The following LSAMP variants were observed in gnomAD, a reference collection of about 807,000 sequenced individuals.
LSAMP encodes limbic system associated membrane protein, also known as limbic system-associated membrane protein.
LSAMP carries 7 observed loss-of-function variants against 38.6 expected under a neutral mutation model. The ratio of observed to expected loss-of-function variants is 0.18; its 90% CI spans 0.10 to 0.34. The LOEUF is 0.34. LSAMP is among the 10% of genes least tolerant of loss of function. LSAMP has a pLI of 1.00. For missense variants in LSAMP, 313 were observed against 420.0 expected (o/e 0.75, Z 2.23); for synonymous variants, 154 against 166.8 (o/e 0.92, Z 0.59).
chr3:115,903,573 A>T (rs1184865026), intron 3 of LSAMP, among the ~76,000 whole-genome samples: 2 of 152,188 alleles, frequency 1.3e-5, no homozygotes, highest in African/African-American at 4.8e-5. Flanking sequence ...GAACCCTCAC[A>T]GGAGGATGGA....
intron 1 of LSAMP, among the ~76,000 whole-genome samples, chr3:116,249,043 G>T (rs919783395): frequency 1.3e-5 from 2 of 151,670 alleles, no homozygotes; most frequent in Non-Finnish European, 2.9e-5. Flanking sequence ...CAGCTACTCG[G>T]GTGGCTGAGA....
Position 116,332,293 on chromosome 3 carries a change from G to A in LSAMP, c.155+112584C>T, listed in dbSNP as rs116150414. On this transcript the variant is annotated intron_variant, in intron 1 of 6. Coordinates refer to ENST00000490035, the MANE Select transcript of LSAMP (RefSeq NM_002338.5). Reference sequence around the variant, plus strand: ...CTAATGCATTTAAAATAATTATTAGGTTATATTTTGGGGCACAAAATGTGT... The same window carrying A: ...CTAATGCATTTAAAATAATTATTAGATTATATTTTGGGGCACAAAATGTGT... 6.2e-3 allele frequency among the ~76,000 whole-genome samples: 939 copies of A among 152,090 alleles called. 9 individuals are homozygous for A. Among genetic ancestry groups the A allele is most frequent in the African/African-American group, 0.021 (892 of 41,492 alleles).
At chr3:115,814,947 T>C (rs1443664189) in intron 6 of LSAMP, among the ~76,000 whole-genome samples, 1 of 152,210 alleles carries the variant, frequency 6.6e-6, no homozygotes. Flanking sequence ...GAAGGAAGCC[T>C]GATAAAATTG....
chr3:116,306,886 G>C (rs1362470661), intron 1 of LSAMP, among the ~76,000 whole-genome samples: 3 of 151,950 alleles, frequency 2.0e-5, no homozygotes, highest in Non-Finnish European at 4.4e-5. Context: ...TTTCCCAAGA[G>C]TCGTCTGAGG....
intron 3 of LSAMP, among the ~76,000 whole-genome samples, chr3:115,919,702 C>T (rs1391197819): frequency 6.6e-6 from 1 of 152,154 alleles, no homozygotes; most frequent in Admixed American, 6.5e-5. Flanking sequence ...ACCTCTGTCT[C>T]CCGGGTTCAA....
At chr3:116,019,685 A>G (rs933920368) in intron 2 of LSAMP, 45 bp from the exon 3 acceptor site, 2 of 1,597,198 alleles carry the variant, frequency 1.3e-6, no homozygotes, top group Non-Finnish European at 1.7e-6. Flanking sequence ...TGTCAGTAAG[A>G]TTAGGCTTGT....
intron 2 of LSAMP, among the ~76,000 whole-genome samples, chr3:116,038,355 G>C (rs1203424578): frequency 6.6e-6 from 1 of 152,074 alleles, no homozygotes; most frequent in Non-Finnish European, 1.5e-5. Flanking sequence ...ATCAGAAATA[G>C]TGATTTGAAA....
At chr3:116,161,133 T>C (rs1304693585) in intron 1 of LSAMP, among the ~76,000 whole-genome samples, 1 of 152,178 alleles carries the variant, frequency 6.6e-6, no homozygotes, top group Admixed American at 6.5e-5. Flanking sequence ...GGCTGCCACA[T>C]TATAGAGTTT....
At chr3:116,274,206 CAT>C (rs931007018) in intron 1 of LSAMP, among the ~76,000 whole-genome samples, 9 of 152,124 alleles carry the variant, frequency 5.9e-5, no homozygotes, top group Admixed American at 1.3e-4. Flanking sequence ...ATTTGGCAAA[CAT>C]ATAGTTTCTA....
At chr3:116,092,579 T>C (rs1027446714) in intron 1 of LSAMP, among the ~76,000 whole-genome samples, 1 of 152,224 alleles carries the variant, frequency 6.6e-6, no homozygotes, top group Non-Finnish European at 1.5e-5. Flanking sequence ...CTGTTTAGTA[T>C]ATTTGATTCC....
chr3:115,825,045 G>A (rs1164930769), intron 6 of LSAMP, among the ~76,000 whole-genome samples: 5 of 152,006 alleles, frequency 3.3e-5, no homozygotes, highest in South Asian at 4.2e-4. Flanking sequence ...TTTAATCTAC[G>A]TAATATGCCT....
chr3:115,904,412 G>A (rs1936957987), intron 3 of LSAMP, among the ~76,000 whole-genome samples: 1 of 151,788 alleles, frequency 6.6e-6, no homozygotes, highest in Non-Finnish European at 1.5e-5. Flanking sequence ...TTCCCACAAA[G>A]AAAACGTCAG....
At chr3:116,151,869 T>A (rs897437531) in intron 1 of LSAMP, among the ~76,000 whole-genome samples, 2 of 152,072 alleles carry the variant, frequency 1.3e-5, no homozygotes, top group African/African-American at 4.8e-5. Context: ...TAGGCACATG[T>A]TTCTTTTTAA....
chr3:116,419,166 G>C (rs1009750613), intron 1 of LSAMP, among the ~76,000 whole-genome samples: 2 of 152,138 alleles, frequency 1.3e-5, no homozygotes, highest in Non-Finnish European at 2.9e-5. Context: ...ATTATACCTG[G>C]TGATGACTGA....
intron 1 of LSAMP, among the ~76,000 whole-genome samples, chr3:116,358,815 A>G (rs2048262084): frequency 6.6e-6 from 1 of 152,214 alleles, no homozygotes; most frequent in African/African-American, 2.4e-5. Context: ...TAAAATGGTA[A>G]TATGTACAAA....
intron 3 of LSAMP, among the ~76,000 whole-genome samples, chr3:115,905,544 C>T (rs1936987312): frequency 1.3e-5 from 2 of 152,064 alleles, no homozygotes; most frequent in African/African-American, 2.4e-5. Flanking sequence ...CCAGAGTCCT[C>T]CCTAGAATTT....
chr3:115,909,965 C>A (rs1292364649), intron 3 of LSAMP, among the ~76,000 whole-genome samples: 1 of 152,096 alleles, frequency 6.6e-6, no homozygotes, highest in East Asian at 1.9e-4. Context: ...TTATTTTGGG[C>A]TTGCAAATTC....
At chr3:116,190,696 A>G (rs1488495946) in intron 1 of LSAMP, among the ~76,000 whole-genome samples, 1 of 152,186 alleles carries the variant, frequency 6.6e-6, no homozygotes, top group Non-Finnish European at 1.5e-5. Flanking sequence ...TGGGATCATA[A>G]CATTTTGTTA....
chr3:116,438,388 G>C (rs2049385663), intron 1 of LSAMP, among the ~76,000 whole-genome samples: 1 of 152,134 alleles, frequency 6.6e-6, no homozygotes, highest in Admixed American at 6.6e-5. Flanking sequence ...ATAGTTGTCA[G>C]TTATCTTTAT....
Sources: gnomAD v4.1 joint callset for allele counts (sites outside exome capture counted in the v4.1 genomes callset) on GRCh38, gnomAD v4.1.1 for gene constraint, MANE v1.5 for transcripts, NCBI Gene and HGNC (gene_info 2026-07-23, HGNC 2026-07-21) for gene names.